The following PSG6 variants were observed in gnomAD, a reference collection of about 807,000 sequenced individuals.
PSG6 encodes pregnancy specific beta-1-glycoprotein 6, also known as pregnancy-specific beta-1-glycoprotein 6.
In PSG6, 51 loss-of-function variants were observed where a neutral mutation model predicts 43.3. The observed-to-expected ratio is 1.18, with a 90% CI of 0.94 to 1.49. PSG6 has a LOEUF of 1.49. Among genes scored for constraint, PSG6 ranks in the 40% most tolerant of loss-of-function variants. PSG6 has a pLI of 0.00. For missense variants in PSG6, 770 were observed against 522.2 expected, an observed-to-expected ratio of 1.47 and a Z score of -4.62; for synonymous variants, 292 against 197.6, an observed-to-expected ratio of 1.48 and a Z score of -4.01.
intron 3 of PSG6, 83 bp downstream of exon 3, chr19:42,910,497 C>T: frequency 6.2e-7 from 1 of 1,612,162 alleles, no homozygotes; most frequent in Non-Finnish European, 8.5e-7. Flanking sequence ...GTACTTGGAC[C>T]TGAGAGGGAC....
In PSG6 at chr19:42,907,866, A is replaced by G. The variant is rs1448853024; in HGVS notation, c.707-12T>C. ...CATGGGCAGCTTCGCTGTGTGGATA[A>G]CAGAAGATTGTCCTGTGTGGCACCT... On this transcript the variant is annotated splice_polypyrimidine_tract_variant and intron_variant, in intron 3 of 5. Transcript: ENST00000187910. 1 of 1,609,742 alleles carries G rather than the reference A, an allele frequency of 6.2e-7. No homozygotes were observed. Among genetic ancestry groups the G allele is most frequent in the East Asian group, 2.2e-5 (1 of 44,790 alleles).
chr19:42,911,140 G>T (rs1413502341), intron 2 of PSG6, among the ~76,000 whole-genome samples: 1 of 151,574 alleles, frequency 6.6e-6, no homozygotes, highest in African/African-American at 2.4e-5. Context: ...AGCCCCTGGT[G>T]CCTCTCTGAG....
chr19:42,907,052 C>A lies in PSG6; in HGVS notation c.1110G>T (p.Lys370Asn). 6.2e-7 allele frequency: 1 copy of A among 1,612,658 alleles called. No individual in the cohort carries two copies. Among genetic ancestry groups the A allele is most frequent in the East Asian group, 2.2e-5 (1 of 44,814 alleles). ...AGAGCTTTTGTCCTGATAGCTGAAA[C>A]TTCCCATTAATTGTCCAAGAATACT... ...PAEYSWTINGKFQLSGQKLFI... is the reference protein window; with the variant it reads ...PAEYSWTINGNFQLSGQKLFI... The change falls in exon 5 of 6, where the codon AAG becomes AAT. Residue 370 changes from lysine (K) to asparagine (N), a missense_variant. Lys to Asn is a moderately conservative substitution (Grantham distance 94). Coordinates refer to ENST00000187910, the MANE Select transcript of PSG6 (RefSeq NM_001031850.4).
At position 42,907,708 on chromosome 19, in the gene PSG6, C is replaced by T. The variant is rs771270387; in HGVS notation, c.853G>A (p.Val285Ile). The change falls in exon 4 of 6, where the codon GTA becomes ATA. Residue 285 changes from valine to isoleucine, a missense_variant. By Grantham distance (29) the Val-to-Ile change is conservative (BLOSUM62 3). Coordinates refer to ENST00000187910, the MANE Select transcript of PSG6 (RefSeq NM_001031850.4). ...NGQSLPVSPR[V>I]KRPIENRILI... The stretch of plus-strand genomic sequence containing the variant: ...ATCCTGTTTTCAATGGGTCGCTTTA[C>T]CCTCGGACTGACCGGGAGGCTCTGA... The T allele has an allele frequency of 1.9e-6, 3 of 1,610,882 alleles. No individual in the cohort carries two copies. Among genetic ancestry groups the T allele is most frequent in the Non-Finnish European group, 2.5e-6 (3 of 1,179,116 alleles).
At position 42,906,911 on chromosome 19, in the gene PSG6, G is replaced by A; in HGVS notation, c.1240+11C>T. ...AAAACCCTATTGCCAAGGATGCTGG[G>A]ATCCACTTACCAGAGACTTTGACTA... On this transcript the variant is annotated intron_variant, in intron 5 of 5. Coordinates refer to ENST00000187910, the MANE Select transcript of PSG6 (RefSeq NM_001031850.4). 2 of 1,612,230 alleles carry A rather than the reference G, an allele frequency of 1.2e-6. No homozygotes were observed. Among genetic ancestry groups the A allele is most frequent in the Non-Finnish European group, 1.7e-6 (2 of 1,179,038 alleles).
rs148607777 is a variant in PSG6 at position 42,906,975 on chromosome 19, C to T, written c.1187G>A (p.Arg396His). 2.5e-4 allele frequency: 404 copies of T among 1,612,354 alleles called. 19 individuals carry two copies. The highest frequency in any genetic ancestry group is 2.0e-3 in the East Asian group (90 of 44,798). Residue 396 changes from arginine (R) to histidine (H), a missense_variant, in exon 5 of 6, where the codon CGT becomes CAT. Transcript: ENST00000187910. ...NHSGLYACSV[R>H]NSATGKEISK... ...GATTTCCTTGCCAGTGGCTGAGTTA[C>T]GAACAGAGCAAGCATAGAGCCCGCT...
intron 2 of PSG6, among the ~76,000 whole-genome samples, chr19:42,914,600 A>T (rs1216968833): frequency 1.3e-5 from 2 of 151,174 alleles, no homozygotes; most frequent in African/African-American, 4.9e-5. Flanking sequence ...GGGTGGCTTT[A>T]GGGTCAAGAG....
At chr19:42,913,052 G>A (rs545267032) in intron 2 of PSG6, among the ~76,000 whole-genome samples, 1 of 151,586 alleles carries the variant, frequency 6.6e-6, no homozygotes, top group African/African-American at 2.4e-5. Flanking sequence ...GAGCTTTCCT[G>A]TTTCAGTTTT....
In PSG6 at chr19:42,916,552, C is replaced by T; in HGVS notation, c.65-65G>A. ...TGTATTGGGGTGAAAAGATGGGGCC[C>T]TGTGTCCTGAGAAGGTCTCTTCAAT... On this transcript the variant is annotated intron_variant, in intron 1 of 5. Transcript: ENST00000187910. The T allele has an allele frequency of 1.3e-6, 2 of 1,552,198 alleles. 1 individual carries two copies. The highest frequency in any genetic ancestry group is 1.7e-6 in the Non-Finnish European group (2 of 1,148,266).
intron 2 of PSG6, among the ~76,000 whole-genome samples, chr19:42,911,314 A>G (rs545798955): frequency 6.6e-6 from 1 of 151,706 alleles, no homozygotes; most frequent in Non-Finnish European, 1.5e-5. Flanking sequence ...GGAACTTCCC[A>G]TTGTCCTTAA....
intron 2 of PSG6, among the ~76,000 whole-genome samples, chr19:42,911,447 C>T (rs1346082695): frequency 6.6e-6 from 1 of 150,478 alleles, no homozygotes; most frequent in African/African-American, 2.5e-5. Context: ...CAAGGTGGGG[C>T]AGTTTTCCAG....
intron 2 of PSG6, 90 bp downstream of exon 2, chr19:42,916,035 C>A (rs1306720078): frequency 2.5e-6 from 4 of 1,583,628 alleles, no homozygotes; most frequent in Non-Finnish European, 3.4e-6. Flanking sequence ...GAGAGTGACA[C>A]AGGCAGAGTC....
chr19:42,908,070 G>T, intron 3 of PSG6: 1 of 831,012 alleles, frequency 1.2e-6, no homozygotes, highest in Non-Finnish European at 1.8e-6. Flanking sequence ...TTTCTCAAGT[G>T]TCAATTGAGC....
rs149820268 is a variant in PSG6 at position 42,916,302 on chromosome 19, C to T, written c.250G>A (p.Val84Ile). Residue 84 changes from valine (V) to isoleucine (I), a missense_variant, in exon 2 of 6, where the codon GTA becomes ATA. Transcript: ENST00000187910. Reference protein sequence around the residue: ...DLYHYITSYVVHGQIIYGPAY... With the variant: ...DLYHYITSYVIHGQIIYGPAY... Reference sequence around the variant, plus strand: ...GGCCCATATATAATTTGACCGTGTACTACATATGATGTAATGTAATGGTAG... The same window carrying T: ...GGCCCATATATAATTTGACCGTGTATTACATATGATGTAATGTAATGGTAG... The T allele has an allele frequency of 1.2e-6, 2 of 1,612,152 alleles. No homozygotes were observed. The highest frequency in any genetic ancestry group is 4.5e-5 in the East Asian group (2 of 44,772).
rs151320141 is a variant in PSG6 at position 42,916,179 on chromosome 19, T to C, written c.373A>G (p.Lys125Glu). Residue 125 changes from lysine to glutamate, a missense_variant, in exon 2 of 6, where the codon AAG (lysine) becomes GAG (glutamate). Transcript: ENST00000187910. ...DAGSYTLHII[K>E]RGDGTGGVTG... Reference sequence around the variant, plus strand: ...ACTCCTCCAGTCCCATCGCCTCGCTTTATGATGTGTAAGGTGTAGGATCCT... The same window carrying C: ...ACTCCTCCAGTCCCATCGCCTCGCTCTATGATGTGTAAGGTGTAGGATCCT... 2.0e-5 allele frequency: 33 copies of C among 1,612,118 alleles called. No homozygotes were observed. In the African/African-American group the frequency reaches 3.3e-4, roughly 16 times the overall value.
intron 2 of PSG6, among the ~76,000 whole-genome samples, chr19:42,913,233 C>G (rs1320414612): frequency 6.6e-6 from 1 of 151,562 alleles, no homozygotes; most frequent in Non-Finnish European, 1.5e-5. Flanking sequence ...TCACTGCAAG[C>G]TCCACCTCCT....
rs569133167 is a variant in PSG6, at chr19:42,915,811, A to G, written c.427+314T>C. ...CAGGCCAAGCCCTACTCAGTTTTCCAGGGTCTTTCTCAGGGTCAAATTTAT... is the reference window on the plus strand; with the variant it reads ...CAGGCCAAGCCCTACTCAGTTTTCCGGGGTCTTTCTCAGGGTCAAATTTAT... On this transcript the variant is annotated intron_variant, in intron 2 of 5. Transcript: ENST00000187910. 157 of 503,254 alleles carry G rather than the reference A, an allele frequency of 3.1e-4. 2 individuals carry two copies. Among genetic ancestry groups the G allele is most frequent in the African/African-American group, 2.7e-3 (140 of 51,876 alleles). The allele number at this position is 503,254 out of a possible 1,614,324, so 31.2% of individuals were successfully genotyped here.
intron 3 of PSG6, among the ~76,000 whole-genome samples, chr19:42,908,324 C>T (rs953812347): frequency 6.6e-6 from 1 of 151,752 alleles, no homozygotes; most frequent in African/African-American, 2.4e-5. Context: ...TCCTGAAACC[C>T]TGCAGATACT....
chr19:42,915,404 A>G (rs1389491865), intron 2 of PSG6: 1 of 152,066 alleles, frequency 6.6e-6, no homozygotes, highest in Non-Finnish European at 1.5e-5. Flanking sequence ...ACAAACGGCT[A>G]CCTGGTGCAT....
Sources: allele counts gnomAD v4.1 joint callset (sites outside exome capture counted in the v4.1 genomes callset), GRCh38; gene constraint gnomAD v4.1.1; transcripts MANE v1.5; gene names NCBI Gene and HGNC (gene_info 2026-07-23, HGNC 2026-07-21).